The following OPCML variants were observed in gnomAD, a reference collection of about 807,000 sequenced individuals.
OPCML encodes opioid binding protein/cell adhesion molecule like, also known as opioid-binding protein/cell adhesion molecule.
In OPCML, 13 loss-of-function variants were observed where a neutral mutation model predicts 37.8. The ratio of observed to expected loss-of-function variants is 0.34; its 90% CI spans 0.22 to 0.55. The LOEUF is 0.55. Among genes scored for constraint, OPCML ranks in the 20% least tolerant of loss-of-function variants. OPCML has a pLI of 0.91. For synonymous variants in OPCML, 176 were observed against 168.8 expected (o/e 1.04, Z -0.33); for missense variants, 341 against 435.6 (o/e 0.78, Z 1.93).
chr11:133,034,361 G>C (rs1004709393), intron 1 of OPCML, among the ~76,000 whole-genome samples: 5 of 149,878 alleles, frequency 3.3e-5, no homozygotes, highest in African/African-American at 4.9e-5. Context: ...GGGAGAGAGA[G>C]AGACAGAGGG....
intron 3 of OPCML, among the ~76,000 whole-genome samples, chr11:132,560,359 T>C (rs1243800780): frequency 6.6e-6 from 1 of 152,196 alleles, no homozygotes; most frequent in Non-Finnish European, 1.5e-5. Flanking sequence ...TTTTAAAACT[T>C]ACTTTTTATT....
intron 1 of OPCML, among the ~76,000 whole-genome samples, chr11:133,186,726 T>C (rs1230141909): frequency 6.6e-6 from 1 of 152,230 alleles, no homozygotes; most frequent in African/African-American, 2.4e-5. Context: ...GCAAAGATCC[T>C]TGTATTTATA....
At chr11:132,487,132 G>A (rs928882068) in intron 4 of OPCML, among the ~76,000 whole-genome samples, 4 of 152,218 alleles carry the variant, frequency 2.6e-5, no homozygotes, top group African/African-American at 9.6e-5. Flanking sequence ...CATCTCCAGT[G>A]AGGATTTTTC....
At chr11:133,049,486 T>C (rs541594206) in intron 1 of OPCML, among the ~76,000 whole-genome samples, 1 of 152,176 alleles carries the variant, frequency 6.6e-6, no homozygotes, top group Non-Finnish European at 1.5e-5. Context: ...GCCCTTAGTG[T>C]CTTCGTCTGT....
intron 2 of OPCML, among the ~76,000 whole-genome samples, chr11:132,896,107 G>T (rs993242780): frequency 1.3e-5 from 2 of 152,132 alleles, no homozygotes; most frequent in African/African-American, 4.8e-5. Flanking sequence ...TGATTGAGTG[G>T]TAAAACATGG....
At chr11:132,916,419 G>A (rs1267443130) in intron 2 of OPCML, among the ~76,000 whole-genome samples, 2 of 152,162 alleles carry the variant, frequency 1.3e-5, no homozygotes, top group African/African-American at 4.8e-5. Flanking sequence ...TACTGTGGAT[G>A]CGCTGGCACT....
chr11:132,550,630 G>C (rs1489600206), intron 3 of OPCML, among the ~76,000 whole-genome samples: 1 of 152,180 alleles, frequency 6.6e-6, no homozygotes, highest in Admixed American at 6.5e-5. Flanking sequence ...CACAAGAATG[G>C]CCTAAGAGGG....
chr11:133,482,185 T>G (rs1424355188), intron 1 of OPCML, among the ~76,000 whole-genome samples: 1 of 152,034 alleles, frequency 6.6e-6, no homozygotes, highest in African/African-American at 2.4e-5. Flanking sequence ...CTCATCAATA[T>G]AGATCAATGG....
intron 3 of OPCML, among the ~76,000 whole-genome samples, chr11:132,580,840 G>C (rs181318945): frequency 1.1e-4 from 17 of 152,294 alleles, no homozygotes; most frequent in African/African-American, 4.1e-4. Context: ...GCACTGGTCT[G>C]CAGAAGAATT....
At chr11:132,911,130 C>T (rs952159715) in intron 2 of OPCML, among the ~76,000 whole-genome samples, 2 of 152,230 alleles carry the variant, frequency 1.3e-5, no homozygotes, top group African/African-American at 4.8e-5. Context: ...TCTCTTCTAC[C>T]AGTCCTTGCA....
chr11:133,153,015 G>A (rs1170006381), intron 1 of OPCML, among the ~76,000 whole-genome samples: 1 of 152,102 alleles, frequency 6.6e-6, no homozygotes, highest in African/African-American at 2.4e-5. Flanking sequence ...TGTTCCACGG[G>A]GTGACCTTCT....
At chr11:132,643,152 C>T (rs569419956) in intron 3 of OPCML, among the ~76,000 whole-genome samples, 2 of 152,310 alleles carry the variant, frequency 1.3e-5, no homozygotes, top group South Asian at 2.1e-4. Context: ...TGGCACGAGC[C>T]TGTAATCCCA....
At chr11:133,349,237 T>C (rs1944072792) in intron 1 of OPCML, among the ~76,000 whole-genome samples, 1 of 152,174 alleles carries the variant, frequency 6.6e-6, no homozygotes, top group African/African-American at 2.4e-5. Flanking sequence ...TGAGTATGGA[T>C]TGGAAATGAA....
intron 1 of OPCML, among the ~76,000 whole-genome samples, chr11:133,388,950 C>G (rs936835531): frequency 7.9e-5 from 12 of 152,178 alleles, no homozygotes; most frequent in African/African-American, 2.9e-4. Context: ...ATATGAGGTT[C>G]TTTCCCATCC....
At chr11:132,916,671 A>G (rs1944616450) in intron 2 of OPCML, among the ~76,000 whole-genome samples, 1 of 152,194 alleles carries the variant, frequency 6.6e-6, no homozygotes, top group East Asian at 1.9e-4. Flanking sequence ...AAGTCACCGG[A>G]AGAGAAGAGG....
chr11:132,587,651 A>T (rs2096475899), intron 3 of OPCML, among the ~76,000 whole-genome samples: 1 of 152,078 alleles, frequency 6.6e-6, no homozygotes, highest in Non-Finnish European at 1.5e-5. Context: ...GAGCTAGAGC[A>T]CCCACTTTAC....
chr11:133,007,261 T>C (rs1947131063), intron 1 of OPCML: 2 of 985,318 alleles, frequency 2.0e-6, no homozygotes, highest in Admixed American at 1.2e-4. Flanking sequence ...GTGGTTATAT[T>C]CAAAATAACT....
At chr11:132,467,483 C>G (rs1044132687) in intron 4 of OPCML, among the ~76,000 whole-genome samples, 6 of 152,192 alleles carry the variant, frequency 3.9e-5, no homozygotes, top group Admixed American at 1.3e-4. Flanking sequence ...TCATTTTGCC[C>G]CTTAATTATA....
intron 1 of OPCML, among the ~76,000 whole-genome samples, chr11:133,310,341 T>C (rs946675289): frequency 6.6e-6 from 1 of 152,170 alleles, no homozygotes; most frequent in Admixed American, 6.5e-5. Flanking sequence ...TATGGAAGTT[T>C]CAGTCTCTCT....
Sources: allele counts gnomAD v4.1 joint callset (sites outside exome capture counted in the v4.1 genomes callset), GRCh38; gene constraint gnomAD v4.1.1; transcripts MANE v1.5; gene names NCBI Gene and HGNC (gene_info 2026-07-23, HGNC 2026-07-21).